ITCH: variants seen among roughly 807,000 people sequenced by gnomAD.
ITCH encodes the protein E3 ubiquitin-protein ligase Itchy homolog.
ITCH carries 28 observed loss-of-function variants against 126.8 expected under a neutral mutation model. The observed-to-expected ratio is 0.22, with a 90% CI of 0.16 to 0.30. The LOEUF is 0.30. Among genes scored for constraint, ITCH ranks in the 10% least tolerant of loss-of-function variants. The pLI is 1.00. For synonymous variants in ITCH, 342 were observed against 340.0 expected (o/e 1.01, Z -0.06); for missense variants, 631 against 1,032.4 (o/e 0.61, Z 5.33).
rs143360185 is a variant in ITCH, at chr20:34,488,307, C to A, written c.2094-959C>A. Among the ~76,000 whole-genome samples, 82 of 152,020 alleles carry A rather than the reference C, an allele frequency of 5.4e-4. No individual in the cohort carries two copies. In the East Asian group the frequency reaches 0.015, roughly 28 times the overall value. On this transcript the variant is annotated intron_variant, in intron 20 of 24. Coordinates refer to ENST00000374864, the MANE Select transcript of ITCH (RefSeq NM_031483.7). ...CTTCATTTTTTGAAGGATATTGTCA[C>A]TAGATTTAGAATTCTAGGTTTATAA...
At chr20:34,473,522 C>T (rs1987846076) in intron 16 of ITCH, among the ~76,000 whole-genome samples, 1 of 152,200 alleles carries the variant, frequency 6.6e-6, no homozygotes, top group Admixed American at 6.5e-5. Context: ...CCTTCTCCAG[C>T]TCAGGACAGA....
At chr20:34,376,353 G>A (rs1413903071) in intron 2 of ITCH, among the ~76,000 whole-genome samples, 1 of 152,000 alleles carries the variant, frequency 6.6e-6, no homozygotes, top group South Asian at 2.1e-4. Flanking sequence ...AGCCCAGGAG[G>A]TTGAGACTGC....
chr20:34,507,284 TTTTTTGGTTG>T (rs1306974206), intron 24 of ITCH, among the ~76,000 whole-genome samples: 1 of 99,550 alleles, frequency 1.0e-5, no homozygotes, highest in Non-Finnish European at 2.3e-5. Context: ...TTTTTTTTTT[TTTTTTGGTTG>T]TTGTTGTTGT....
intron 6 of ITCH, among the ~76,000 whole-genome samples, chr20:34,424,034 A>G (rs888273816): frequency 6.6e-6 from 1 of 152,144 alleles, no homozygotes; most frequent in Non-Finnish European, 1.5e-5. Context: ...TGGCTTTCCT[A>G]ATTTTTAAGC....
chr20:34,412,377 G>A, intron 4 of ITCH, 138 bp from the exon 5 acceptor site: 1 of 647,358 alleles, frequency 1.5e-6, no homozygotes, highest in Non-Finnish European at 2.7e-6. Context: ...CTGAACATAG[G>A]CCAATATTGA....
At chr20:34,418,886 C>T (rs1167442573) in intron 6 of ITCH, among the ~76,000 whole-genome samples, 10 of 151,846 alleles carry the variant, frequency 6.6e-5, no homozygotes, top group Non-Finnish European at 2.9e-5. Flanking sequence ...CTCAGCCTCC[C>T]AAGTAGCTGG....
At chr20:34,385,520 G>A (rs1260295970) in intron 2 of ITCH, among the ~76,000 whole-genome samples, 1 of 152,078 alleles carries the variant, frequency 6.6e-6, no homozygotes, top group Non-Finnish European at 1.5e-5. Context: ...AGTAGTCAAA[G>A]CTAGAAACAA....
At chr20:34,399,782 A>G (rs1160697924) in intron 3 of ITCH, among the ~76,000 whole-genome samples, 1 of 151,980 alleles carries the variant, frequency 6.6e-6, no homozygotes, top group African/African-American at 2.4e-5. Context: ...CAGAGGTTGC[A>G]GTAAGCCAAG....
intron 2 of ITCH, among the ~76,000 whole-genome samples, chr20:34,385,309 C>T (rs1273394920): frequency 6.7e-6 from 1 of 149,750 alleles, no homozygotes; most frequent in East Asian, 2.0e-4. Flanking sequence ...GTGATCCGCT[C>T]ACCTTGGCCT....
intron 22 of ITCH, among the ~76,000 whole-genome samples, chr20:34,491,263 CATT>C (rs1989491330): frequency 6.6e-6 from 1 of 152,090 alleles, no homozygotes; most frequent in Admixed American, 6.6e-5. Context: ...ACCTTAAAAA[CATT>C]ATGAATTTTA....
intron 16 of ITCH, among the ~76,000 whole-genome samples, chr20:34,475,383 G>C (rs1269687526): frequency 6.6e-6 from 1 of 152,170 alleles, no homozygotes; most frequent in South Asian, 2.1e-4. Context: ...CTGAGTGAAC[G>C]AGACTCCGTC....
intron 7 of ITCH, among the ~76,000 whole-genome samples, chr20:34,431,500 G>A (rs1415459682): frequency 6.6e-6 from 1 of 152,142 alleles, no homozygotes; most frequent in African/African-American, 2.4e-5. Context: ...ACTAGAGGAT[G>A]GGAGTGAGAT....
chr20:34,475,941 C>A, intron 16 of ITCH: 2 of 1,446,658 alleles, frequency 1.4e-6, no homozygotes, highest in South Asian at 1.1e-5. Context: ...GTCTTGCCCA[C>A]ATCAATGGAT....
intron 17 of ITCH, among the ~76,000 whole-genome samples, chr20:34,478,668 C>T (rs909509392): frequency 6.6e-5 from 10 of 152,080 alleles, no homozygotes; most frequent in African/African-American, 2.2e-4. Flanking sequence ...TTATTAATGA[C>T]CTAGTTCAGA....
intron 3 of ITCH, among the ~76,000 whole-genome samples, chr20:34,408,322 C>A (rs1044130571): frequency 6.6e-6 from 1 of 152,170 alleles, no homozygotes; most frequent in African/African-American, 2.4e-5. Flanking sequence ...AATCCTCTTG[C>A]CTCAGCCTCC....
intron 4 of ITCH, 69 bp from the exon 5 acceptor site, chr20:34,412,446 T>C (rs1979171479): frequency 1.6e-6 from 2 of 1,220,232 alleles, no homozygotes; most frequent in Admixed American, 3.7e-5. Flanking sequence ...AACTGAATTG[T>C]AATTTATTTA....
chr20:34,459,779 A>C (rs1022444402), intron 13 of ITCH, among the ~76,000 whole-genome samples: 1 of 152,218 alleles, frequency 6.6e-6, no homozygotes, highest in Admixed American at 6.5e-5. Flanking sequence ...TATGCTTTCA[A>C]CTTAAAATAG....
chr20:34,425,152 CAT>C (rs916349240), intron 7 of ITCH, among the ~76,000 whole-genome samples: 83 of 152,322 alleles, frequency 5.4e-4, no homozygotes, highest in South Asian at 2.7e-3. Context: ...CTCACAGAAA[CAT>C]GTGCTGTATT....
intron 2 of ITCH, among the ~76,000 whole-genome samples, chr20:34,370,906 C>G (rs560201314): frequency 6.6e-6 from 1 of 152,098 alleles, no homozygotes; most frequent in South Asian, 2.1e-4. Flanking sequence ...CGGTGGCTCA[C>G]GCCTGTAATT....
Sources: allele counts gnomAD v4.1 joint callset (sites outside exome capture counted in the v4.1 genomes callset), GRCh38; gene constraint gnomAD v4.1.1; transcripts MANE v1.5; gene names NCBI Gene and HGNC (gene_info 2026-07-23, HGNC 2026-07-21).